Variants in MYRIP observed in about 807,000 individuals in gnomAD.
MYRIP encodes myosin VIIA and Rab interacting protein.
Under a neutral mutation model 98.0 loss-of-function variants are expected in MYRIP, and 49 were observed. That is an observed-to-expected ratio of 0.50 (90% confidence interval 0.40 to 0.63). The LOEUF (loss-of-function observed/expected upper bound fraction) is 0.63, where lower values mean the gene tolerates loss of function less well. MYRIP is among the 30% of genes least tolerant of loss of function. The pLI is 0.00. For missense variants in MYRIP, 1,004 were observed against 1,058.2 expected, an observed-to-expected ratio of 0.95 and a Z score of 0.71; for synonymous variants, 404 against 409.5, an observed-to-expected ratio of 0.99 and a Z score of 0.16.
intron 2 of MYRIP, among the ~76,000 whole-genome samples, chr3:39,938,405 G>A (rs1944705064): frequency 6.6e-6 from 1 of 152,104 alleles, no homozygotes; most frequent in South Asian, 2.1e-4. Flanking sequence ...GTAGTTTCTA[G>A]TTTGGGTCTC....
intron 2 of MYRIP, among the ~76,000 whole-genome samples, chr3:39,972,007 T>A (rs1398471773): frequency 6.6e-6 from 1 of 152,120 alleles, no homozygotes; most frequent in Non-Finnish European, 1.5e-5. Context: ...AGTAAAATTA[T>A]AATTGACGCT....
intron 2 of MYRIP, among the ~76,000 whole-genome samples, chr3:39,914,797 G>T (rs1944113655): frequency 6.6e-6 from 1 of 151,998 alleles, no homozygotes; most frequent in Non-Finnish European, 1.5e-5. Context: ...TGATAAAATA[G>T]TTGAGAAAAA....
chr3:39,895,941 G>GCA (rs1559513587), intron 1 of MYRIP, among the ~76,000 whole-genome samples: 10 of 151,900 alleles, frequency 6.6e-5, no homozygotes, highest in African/African-American at 2.4e-4. Context: ...GTGTGTGCGC[G>GCA]TGCACGTACG....
At position 40,032,408 on chromosome 3, in the gene MYRIP, T is replaced by C. The variant is rs1234946384; in HGVS notation, c.111-11642T>C. ...CTGAGAGACAGTTTGTTATACTTTC[T>C]GTTCTTTTACATTTGCTGAGGAGAG... On this transcript the variant is annotated intron_variant, in intron 2 of 16. Coordinates refer to ENST00000302541, the MANE Select transcript of MYRIP (RefSeq NM_015460.4). 2.0e-5 allele frequency among the ~76,000 whole-genome samples: 3 copies of C among 152,318 alleles called. No homozygotes were observed. The East Asian group carries it at 5.8e-4, about 29-fold the overall frequency.
At chr3:40,059,582 C>T (rs955800476) in intron 3 of MYRIP, among the ~76,000 whole-genome samples, 1 of 151,970 alleles carries the variant, frequency 6.6e-6, no homozygotes. Context: ...AAATGTCTTT[C>T]TTTGTTTCTT....
intron 1 of MYRIP, among the ~76,000 whole-genome samples, chr3:39,894,257 A>G (rs1460741393): frequency 6.6e-6 from 1 of 152,240 alleles, no homozygotes; most frequent in African/African-American, 2.4e-5. Flanking sequence ...ACCAGCACCC[A>G]GATAAAGAAA....
intron 5 of MYRIP, among the ~76,000 whole-genome samples, chr3:40,166,621 G>T (rs921171515): frequency 6.6e-6 from 1 of 152,148 alleles, no homozygotes; most frequent in African/African-American, 2.4e-5. Flanking sequence ...GAATGAGATT[G>T]CAGGCATGAA....
At chr3:40,177,366 C>G (rs1950789155) in intron 8 of MYRIP, among the ~76,000 whole-genome samples, 1 of 152,180 alleles carries the variant, frequency 6.6e-6, no homozygotes, top group Non-Finnish European at 1.5e-5. Context: ...GAGACAGAAT[C>G]CTGACCTACA....
At chr3:39,839,098 C>G (rs1044772195) in intron 1 of MYRIP, among the ~76,000 whole-genome samples, 1 of 151,918 alleles carries the variant, frequency 6.6e-6, no homozygotes, top group Non-Finnish European at 1.5e-5. Flanking sequence ...CTTGATTAGT[C>G]TGGCTAGTGG....
At chr3:40,219,189 T>C (rs1559460977) in intron 11 of MYRIP, among the ~76,000 whole-genome samples, 1 of 152,138 alleles carries the variant, frequency 6.6e-6, no homozygotes, top group African/African-American at 2.4e-5. Flanking sequence ...GGGCAGGAGT[T>C]TAAAGGTTAA....
chr3:39,975,165 A>G (rs1945715153), intron 2 of MYRIP, among the ~76,000 whole-genome samples: 1 of 152,172 alleles, frequency 6.6e-6, no homozygotes, highest in African/African-American at 2.4e-5. Flanking sequence ...TCAGCCCAAA[A>G]TCTCCTTAAG....
intron 2 of MYRIP, among the ~76,000 whole-genome samples, chr3:40,018,139 A>G (rs1323334952): frequency 6.6e-6 from 1 of 152,154 alleles, no homozygotes; most frequent in Non-Finnish European, 1.5e-5. Context: ...CTGCCACATT[A>G]CTGCATTATC....
intron 1 of MYRIP, among the ~76,000 whole-genome samples, chr3:39,859,533 C>T (rs1120439): frequency 0.47 from 71,398 of 152,016 alleles, 17,712 homozygotes; most frequent in African/African-American, 0.64. Flanking sequence ...ATGAGGCTAA[C>T]ATTACATGGA....
In MYRIP at chr3:40,116,156, A is replaced by G. The variant is rs986428558; in HGVS notation, c.333-34892A>G. On this transcript the variant is annotated intron_variant, in intron 3 of 16. Transcript: ENST00000302541. ...GTCTCCAGCTGTCATCTTTTGCTTG[A>G]TCCCTGGATGGGGGCACACTCACAT... 5.9e-5 allele frequency among the ~76,000 whole-genome samples: 9 copies of G among 152,036 alleles called. 1 individual carries two copies. In the South Asian group the frequency reaches 1.9e-3, roughly 32 times the overall value.
At chr3:39,852,060 C>A (rs1019242117) in intron 1 of MYRIP, among the ~76,000 whole-genome samples, 2 of 152,124 alleles carry the variant, frequency 1.3e-5, no homozygotes, top group East Asian at 3.9e-4. Flanking sequence ...ACAATTTAGC[C>A]CACATGTGCT....
intron 3 of MYRIP, among the ~76,000 whole-genome samples, chr3:40,077,243 G>A (rs1948364710): frequency 1.3e-5 from 2 of 152,134 alleles, no homozygotes; most frequent in African/African-American, 4.8e-5. Flanking sequence ...TGCAAAGAGC[G>A]AAAGAACAAA....
rs17075609 is a variant in MYRIP, at chr3:40,092,521, C to A, written c.332+48250C>A. ...GGAAGCTTTTGGCAGTGCTTGGGAC[C>A]GTCTAGGATCCCTCTTTTAACATGT... On this transcript the variant is annotated intron_variant, in intron 3 of 16. Transcript: ENST00000302541. Among the ~76,000 whole-genome samples the A allele has an allele frequency of 3.1e-3, 474 of 152,194 alleles. 2 individuals carry two copies. The highest frequency in any genetic ancestry group is 6.5e-3 in the Admixed American group (99 of 15,298).
At chr3:40,169,178 G>T (rs371396995) in intron 7 of MYRIP, among the ~76,000 whole-genome samples, 66 of 152,300 alleles carry the variant, frequency 4.3e-4, no homozygotes, top group African/African-American at 1.5e-3. Context: ...GGCAGTCACT[G>T]GTCCTCAGCA....
At chr3:40,204,181 A>ATAATATATTATT (rs1239591974) in intron 10 of MYRIP, among the ~76,000 whole-genome samples, 1 of 57,354 alleles carries the variant, frequency 1.7e-5, no homozygotes, top group East Asian at 4.8e-4. Context: ...TATATATTAT[A>ATAATATATTATT]TAATATATAA....
Sources: allele counts gnomAD v4.1 joint callset (sites outside exome capture counted in the v4.1 genomes callset), GRCh38; gene constraint gnomAD v4.1.1; transcripts MANE v1.5; gene names NCBI Gene and HGNC (gene_info 2026-07-23, HGNC 2026-07-21).